RFX4: variants seen among roughly 807,000 people sequenced by gnomAD.
The protein encoded by RFX4 is regulatory factor X4, also known as transcription factor RFX4.
Under a neutral mutation model 95.0 loss-of-function variants are expected in RFX4, and 10 were observed. The observed-to-expected ratio is 0.11, with a 90% CI of 0.06 to 0.18. RFX4 has a LOEUF of 0.18. Among genes scored for constraint, RFX4 ranks in the 10% least tolerant of loss-of-function variants. The pLI is 1.00. For synonymous variants in RFX4, 321 were observed against 340.7 expected (o/e 0.94, Z 0.64); for missense variants, 640 against 922.0 (o/e 0.69, Z 3.96).
chr12:106,720,686 C>T lies in RFX4; in HGVS notation c.1234-73C>T, dbSNP rs1686055725. ...ACAGGCGTGAGCCACTTCAACCGGC[C>T]TCATTTTTCAAAGAGACAGTAATAA... is the stretch of plus-strand genomic sequence containing the variant. On this transcript the variant is annotated intron_variant, in intron 12 of 17. Transcript: ENST00000392842. The surrounding 1 kb of genome is among the most constrained non-coding windows in gnomAD (Gnocchi z 4.2). 6.9e-7 allele frequency: 1 copy of T among 1,458,410 alleles called. No homozygotes were observed. Among genetic ancestry groups the T allele is most frequent in the East Asian group, 2.3e-5 (1 of 44,028 alleles). The allele number at this position is 1,458,410 out of a possible 1,614,324, so 90.3% of individuals were successfully genotyped here.
At chr12:106,587,394 G>A (rs1484228608) in intron 1 of RFX4, among the ~76,000 whole-genome samples, 1 of 152,206 alleles carries the variant, frequency 6.6e-6, no homozygotes, top group Non-Finnish European at 1.5e-5. Flanking sequence ...GGTGACTTCA[G>A]GGGGCGGGGG....
chr12:106,637,140 T>C lies in RFX4; in HGVS notation c.131-2192T>C, dbSNP rs560626236. Among the ~76,000 whole-genome samples the C allele has an allele frequency of 2.4e-4, 36 of 152,322 alleles. No homozygotes were observed. The South Asian group carries it at 6.9e-3, about 29-fold the overall frequency. On this transcript the variant is annotated intron_variant, in intron 2 of 17. Transcript: ENST00000392842. ...ACATAAAATTAATTACCATGATTGT[T>C]GTAAATGAATCAACATTCACCTTTC...
chr12:106,614,217 G>A (rs1286766421), intron 2 of RFX4, among the ~76,000 whole-genome samples: 1 of 151,718 alleles, frequency 6.6e-6, no homozygotes, highest in Non-Finnish European at 1.5e-5. Context: ...CTGGAGTGCA[G>A]TGGCATGATC....
intron 5 of RFX4, among the ~76,000 whole-genome samples, chr12:106,684,223 C>T (rs1205553795): frequency 2.0e-5 from 3 of 152,030 alleles, no homozygotes; most frequent in African/African-American, 4.8e-5. Flanking sequence ...AAAAATTAGC[C>T]GGGCATGGTG....
chr12:106,607,210 T>C (rs1478542354), intron 1 of RFX4, among the ~76,000 whole-genome samples: 2 of 152,166 alleles, frequency 1.3e-5, no homozygotes, highest in East Asian at 3.8e-4. Flanking sequence ...CACCACATTA[T>C]ACAGAATCGG....
chr12:106,628,762 CT>C (rs397850563), intron 2 of RFX4, among the ~76,000 whole-genome samples: 19,447 of 132,964 alleles, frequency 0.15, 867 homozygotes, highest in African/African-American at 0.2. Flanking sequence ...ATATATGTTC[CT>C]TTTTTTTTTT....
At chr12:106,654,196 A>G in intron 3 of RFX4, 32 bp from the exon 4 acceptor site, 1 of 1,613,522 alleles carries the variant, frequency 6.2e-7, no homozygotes, top group Non-Finnish European at 8.5e-7. Flanking sequence ...AAGGTAACAC[A>G]TTTTTTGCTC....
intron 1 of RFX4, among the ~76,000 whole-genome samples, chr12:106,590,429 G>A (rs768266371): frequency 6.6e-6 from 1 of 152,138 alleles, no homozygotes; most frequent in Admixed American, 6.5e-5. Context: ...AGTTTAAATA[G>A]AGAAACCAAC....
At chr12:106,723,752 G>T (rs530488693) in intron 13 of RFX4, among the ~76,000 whole-genome samples, 12 of 152,148 alleles carry the variant, frequency 7.9e-5, no homozygotes, top group Non-Finnish European at 1.6e-4. Flanking sequence ...GACAGAATCT[G>T]CTAAATTGCA....
chr12:106,641,981 A>C (rs1323475297), intron 3 of RFX4, among the ~76,000 whole-genome samples: 4 of 148,674 alleles, frequency 2.7e-5, no homozygotes, highest in African/African-American at 1.0e-4. Context: ...CTATATCTAT[A>C]TCTATATCTA....
In RFX4 at chr12:106,733,009, C is replaced by T. The variant is rs2042642423; in HGVS notation, c.1557C>T (p.Ala519=). Residue 519 remains alanine (A), a synonymous_variant, in exon 15 of 18, where the codon GCC becomes GCT. Coordinates refer to ENST00000392842, the MANE Select transcript of RFX4 (RefSeq NM_213594.3). ...PVPSFSPAKS[A]TSVEVPPPSS... is the part of the protein sequence containing the mutation. The stretch of plus-strand genomic sequence containing the variant: ...CATCGTTTTCTCCAGCAAAATCTGC[C>T]ACATCTGTGGAAGTGCCACCTCCCT... 1.2e-6 allele frequency: 2 copies of T among 1,614,068 alleles called. No homozygotes were observed. Among genetic ancestry groups the T allele is most frequent in the African/African-American group, 1.3e-5 (1 of 74,928 alleles).
At chr12:106,728,840 C>G (rs138946611) in intron 13 of RFX4, among the ~76,000 whole-genome samples, 1 of 152,310 alleles carries the variant, frequency 6.6e-6, no homozygotes, top group East Asian at 1.9e-4. Context: ...AGCTTTATGC[C>G]TCCTTTGTAC....
At chr12:106,692,480 C>A (rs1193692838) in intron 7 of RFX4, among the ~76,000 whole-genome samples, 2 of 152,094 alleles carry the variant, frequency 1.3e-5, no homozygotes, top group African/African-American at 4.8e-5. Context: ...CACTTAGGGA[C>A]CCCAATTGCA....
rs1348217110 is a variant in RFX4, at chr12:106,586,571, T to C, written c.43+3208T>C. 7.2e-5 allele frequency among the ~76,000 whole-genome samples: 11 copies of C among 151,902 alleles called. No individual in the cohort carries two copies. ...GAGAGGGCCACTGCCAAGCTGGAGCTGGAAACTTCTGCCTCCATCCACTTT... is the reference window on the plus strand; with the variant it reads ...GAGAGGGCCACTGCCAAGCTGGAGCCGGAAACTTCTGCCTCCATCCACTTT... On this transcript the variant is annotated intron_variant, in intron 1 of 17. Transcript: ENST00000392842. The surrounding 1 kb of genome is among the most constrained non-coding windows in gnomAD (Gnocchi z 5.6).
chr12:106,689,626 C>A (rs945206308), intron 7 of RFX4, among the ~76,000 whole-genome samples: 1 of 152,120 alleles, frequency 6.6e-6, no homozygotes, highest in Non-Finnish European at 1.5e-5. Context: ...CCTATCAGCA[C>A]ACTAGGAAGA....
At chr12:106,588,122 T>C (rs1191898437) in intron 1 of RFX4, among the ~76,000 whole-genome samples, 1 of 152,214 alleles carries the variant, frequency 6.6e-6, no homozygotes, top group Non-Finnish European at 1.5e-5. Context: ...GTTACCACTA[T>C]CTGAAATATG....
intron 1 of RFX4, among the ~76,000 whole-genome samples, chr12:106,598,780 T>G (rs1018362328): frequency 6.6e-6 from 1 of 152,186 alleles, no homozygotes; most frequent in African/African-American, 2.4e-5. Context: ...ATGTCAAGGA[T>G]GGAATAATAT....
intron 16 of RFX4, among the ~76,000 whole-genome samples, chr12:106,748,711 G>A (rs2042940797): frequency 6.6e-6 from 1 of 152,150 alleles, no homozygotes; most frequent in Non-Finnish European, 1.5e-5. Context: ...CACTTTGGAA[G>A]GCCGAGGTGG....
intron 1 of RFX4, among the ~76,000 whole-genome samples, chr12:106,587,675 G>C (rs965816006): frequency 6.6e-5 from 10 of 152,172 alleles, no homozygotes; most frequent in Admixed American, 2.6e-4. Context: ...TGGGCAGTGC[G>C]CCCGCCTCCC....
Sources: gnomAD v4.1 joint callset for allele counts (sites outside exome capture counted in the v4.1 genomes callset) on GRCh38, gnomAD v4.1.1 for gene constraint, Gnocchi (gnomAD v3.1) non-coding constraint, MANE v1.5 for transcripts, NCBI Gene and HGNC (gene_info 2026-07-23, HGNC 2026-07-21) for gene names.